KDR: variants seen among roughly 807,000 people sequenced by gnomAD.
The protein encoded by KDR is vascular endothelial growth factor receptor 2.
Under a neutral mutation model 160.9 loss-of-function variants are expected in KDR, and 43 were observed. The observed-to-expected ratio is 0.27, with a 90% CI of 0.21 to 0.34. KDR has a LOEUF of 0.34. Among genes scored for constraint, KDR ranks in the 10% least tolerant of loss-of-function variants. The pLI, the probability that KDR is intolerant of heterozygous loss-of-function variation, is 1.00. For synonymous variants in KDR, 617 were observed against 600.1 expected, an observed-to-expected ratio of 1.03 and a Z score of -0.41; for missense variants, 1,469 against 1,666.4, an observed-to-expected ratio of 0.88 and a Z score of 2.06.
intron 1 of KDR, among the ~76,000 whole-genome samples, chr4:55,121,629 C>T (rs539615130): frequency 1.3e-5 from 2 of 152,338 alleles, no homozygotes; most frequent in South Asian, 4.1e-4. Flanking sequence ...TATAGTTCAT[C>T]TACGTACCCT....
chr4:55,096,157 A>T, intron 19 of KDR, 72 bp downstream of exon 19: 1 of 827,536 alleles, frequency 1.2e-6, no homozygotes, highest in Non-Finnish European at 2.1e-6. Flanking sequence ...AGAGGAGTTG[A>T]CTGCTTTCCC....
chr4:55,120,395 G>A (rs1531290), intron 2 of KDR, among the ~76,000 whole-genome samples: 93,624 of 151,890 alleles, frequency 0.62, 29,686 homozygotes, highest in African/African-American at 0.75. Context: ...TCTATCTTTC[G>A]TCCTGGGGTA....
chr4:55,112,959 A>C (rs907027972), intron 7 of KDR, among the ~76,000 whole-genome samples: 1 of 152,196 alleles, frequency 6.6e-6, no homozygotes, highest in Admixed American at 6.5e-5. Flanking sequence ...GCTCATGCTT[A>C]TTCAAGTAGG....
chr4:55,114,832 A>G, intron 5 of KDR, 42 bp downstream of exon 5: 1 of 1,494,820 alleles, frequency 6.7e-7, no homozygotes, highest in Non-Finnish European at 9.3e-7. Context: ...TCTTAATACA[A>G]GGATATGTTA....
rs200147160 is a variant in KDR at position 55,098,268 on chromosome 4, T to C, written c.2378A>G (p.Asn793Ser). Residue 793 changes from asparagine to serine, a missense_variant, in exon 17 of 30, where the codon AAT becomes AGT. Transcript: ENST00000263923. ...VIILRTVKRA[N>S]GGELKTGYLS... is the part of the protein sequence containing the mutation. Reference sequence around the variant, plus strand: ...GTAGCCTGTCTTCAGTTCCCCTCCATTGGCCTGGAAAGCATCAATCCTTCC... The same window carrying C: ...GTAGCCTGTCTTCAGTTCCCCTCCACTGGCCTGGAAAGCATCAATCCTTCC... 5.8e-5 allele frequency: 93 copies of C among 1,613,808 alleles called. No homozygotes were observed. The East Asian group carries it at 1.1e-3, about 19-fold the overall frequency.
chr4:55,106,187 C>T (rs1414854689), intron 11 of KDR, among the ~76,000 whole-genome samples: 1 of 151,976 alleles, frequency 6.6e-6, no homozygotes, highest in African/African-American at 2.4e-5. Flanking sequence ...TGTATACTTA[C>T]CAGTTGAGCA....
chr4:55,082,560 T>G lies in KDR; in HGVS notation c.3738A>C (p.Glu1246Asp). 1 of 1,613,362 alleles carries G rather than the reference T, an allele frequency of 6.2e-7. No homozygotes were observed. The highest frequency in any genetic ancestry group is 8.5e-7 in the Non-Finnish European group (1 of 1,179,330). Residue 1246 changes from glutamate (E) to aspartate (D), a missense_variant, in exon 28 of 30, where the codon GAA becomes GAC. Physicochemically the swap from Glu to Asp is conservative, Grantham distance 45. Transcript: ENST00000263923. ...CATCTGGGATTACTTTTACTTCTGG[T>G]TCTTCTAACGGGATATCTTCAAATG... ...VKTFEDIPLE[E>D]PEVKVIPDDN...
rs142196786 is a variant in KDR at position 55,115,668 on chromosome 4, C to T, written c.359-257G>A. ...TATAAAAATTTTGAAAAAAAACTCC[C>T]AATTGAGATTGACTCCTTTCACAAG... On this transcript the variant is annotated intron_variant, in intron 3 of 29. Coordinates refer to ENST00000263923, the MANE Select transcript of KDR (RefSeq NM_002253.4). 7.9e-5 allele frequency among the ~76,000 whole-genome samples: 12 copies of T among 152,036 alleles called. No homozygotes were observed. In the East Asian group the frequency reaches 2.3e-3, roughly 29 times the overall value.
chr4:55,124,615 C>A (rs1034687709), intron 1 of KDR, among the ~76,000 whole-genome samples: 13 of 149,680 alleles, frequency 8.7e-5, no homozygotes, highest in Non-Finnish European at 2.0e-4. Flanking sequence ...AGTCCCTATT[C>A]CCCCCCTTCT....
intron 9 of KDR, among the ~76,000 whole-genome samples, chr4:55,110,157 G>A (rs569663900): frequency 6.6e-6 from 1 of 152,228 alleles, no homozygotes; most frequent in South Asian, 2.1e-4. Context: ...GCTATCGAGG[G>A]TATCACTACT....
rs773739287 is a variant in KDR at position 55,094,954 on chromosome 4, G to A, written c.2819C>T (p.Thr940Ile). 1.2e-6 allele frequency: 2 copies of A among 1,613,530 alleles called. No homozygotes were observed. The highest frequency in any genetic ancestry group is 1.7e-5 in the Admixed American group (1 of 59,988). The change falls in exon 21 of 30, where the codon ACC becomes ATC. Residue 940 changes from threonine to isoleucine, a missense_variant and splice_region_variant. Around this residue, in one of 7 missense-constraint regions of KDR, gnomAD observed 151 missense variants for 207.2 expected, o/e 0.73. Coordinates refer to ENST00000263923, the MANE Select transcript of KDR (RefSeq NM_002253.4). ...SKRNEFVPYK[T>I]KGARFRQGKD... Reference sequence around the variant, plus strand: ...CCCTTGACGGAATCGTGCCCCTTTGGTCTATAAAAAAGCAAAGGAACAAAC... The same window carrying A: ...CCCTTGACGGAATCGTGCCCCTTTGATCTATAAAAAAGCAAAGGAACAAAC...
At chr4:55,120,083 A>G (rs1347140761) in intron 2 of KDR, among the ~76,000 whole-genome samples, 2 of 152,218 alleles carry the variant, frequency 1.3e-5, no homozygotes, top group Non-Finnish European at 2.9e-5. Flanking sequence ...TGTCTTAAAC[A>G]AGTAAAGCTA....
intron 13 of KDR, 102 bp from the exon 14 acceptor site, chr4:55,102,610 CTTG>C: frequency 3.9e-6 from 5 of 1,269,416 alleles, no homozygotes; most frequent in Non-Finnish European, 5.6e-6. Context: ...TAAAAAGGAA[CTTG>C]TTGATATATT....
rs772311706 is a variant in KDR at position 55,081,955 on chromosome 4, C to T, written c.3848+1G>A. 1 of 1,604,908 alleles carries T rather than the reference C, an allele frequency of 6.2e-7. No homozygotes were observed. The highest frequency in any genetic ancestry group is 1.7e-5 in the Admixed American group (1 of 59,996). On this transcript the variant is annotated splice_donor_variant, in intron 29 of 29. Coordinates refer to ENST00000263923, the MANE Select transcript of KDR (RefSeq NM_002253.4). LOFTEE classifies it high-confidence loss of function. ...GTCTTTTTAATATGGCTGAGTCTTACCCAAAAGATGGAGATAATTTGGTTC... is the reference window on the plus strand; with the variant it reads ...GTCTTTTTAATATGGCTGAGTCTTATCCAAAAGATGGAGATAATTTGGTTC...
intron 21 of KDR, 115 bp from the exon 22 acceptor site, chr4:55,092,829 A>C (rs1373382471): frequency 1.1e-5 from 8 of 737,334 alleles, no homozygotes; most frequent in Non-Finnish European, 1.7e-5. Context: ...TTTAGGAAAT[A>C]GAAGCAGAGA....
chr4:55,092,473 G>A (rs1195934814), intron 22 of KDR, 144 bp downstream of exon 22: 7 of 704,300 alleles, frequency 9.9e-6, no homozygotes, highest in Non-Finnish European at 1.8e-5. Flanking sequence ...CAGAAACAGA[G>A]CCTCCCCAGT....
chr4:55,098,923 G>A, intron 15 of KDR, 120 bp from the exon 16 acceptor site: 1 of 698,048 alleles, frequency 1.4e-6, no homozygotes, highest in South Asian at 1.5e-5. Flanking sequence ...AAATCCTAGA[G>A]GACAACAGTT....
At position 55,098,795 on chromosome 4, in the gene KDR, C is replaced by T. The variant is rs2110018263; in HGVS notation, c.2275G>A (p.Glu759Lys). 1 of 1,610,214 alleles carries T rather than the reference C, an allele frequency of 6.2e-7. No homozygotes were observed. Among genetic ancestry groups the T allele is most frequent in the Non-Finnish European group, 8.5e-7 (1 of 1,176,778 alleles). The change falls in exon 16 of 30, where the codon GAA becomes AAA. Residue 759 changes from glutamate to lysine, a missense_variant. Transcript: ENST00000263923. ...ATAATGATTTCCAAGTTCGTCTTTT[C>T]CTGGGCACCTGGAAAGACACAATTG... ...EAFFIIEGAQ[E>K]KTNLEIIILV...
intron 17 of KDR, 29 bp from the exon 18 acceptor site, chr4:55,097,795 A>G: frequency 6.7e-7 from 1 of 1,492,438 alleles, no homozygotes. Flanking sequence ...GCAACAAGAA[A>G]ACAGACTTGG....
Sources: allele counts gnomAD v4.1 joint callset (sites outside exome capture counted in the v4.1 genomes callset), GRCh38; gene constraint gnomAD v4.1.1; regional missense constraint gnomAD v4.1.1; transcripts MANE v1.5; gene names NCBI Gene and HGNC (gene_info 2026-07-23, HGNC 2026-07-21).